The following KIAA1549L variants were observed in gnomAD, a reference collection of about 807,000 sequenced individuals.
KIAA1549L encodes KIAA1549 like.
KIAA1549L carries 88 observed loss-of-function variants against 160.7 expected under a neutral mutation model. That is an observed-to-expected ratio of 0.55 (90% CI 0.46 to 0.65). The LOEUF (loss-of-function observed/expected upper bound fraction) is 0.65, where lower values mean the gene tolerates loss of function less well. Among genes scored for constraint, KIAA1549L ranks in the 30% least tolerant of loss-of-function variants. The pLI, the probability that KIAA1549L is intolerant of heterozygous loss-of-function variation, is 0.00. For synonymous variants in KIAA1549L, 950 were observed against 976.7 expected, an observed-to-expected ratio of 0.97 and a Z score of 0.51; for missense variants, 2,258 against 2,437.5, an observed-to-expected ratio of 0.93 and a Z score of 1.55.
At position 33,435,776 on chromosome 11, in the gene KIAA1549L, A is replaced by ATGTGTGTGTGTGTGTG. The variant is rs1565135708; in HGVS notation, c.238+58888_238+58889insGTGTGTGTGTGTGTGT. Among the ~76,000 whole-genome samples, 3 of 9,898 alleles carry ATGTGTGTGTGTGTGTG rather than the reference A, an allele frequency of 3.0e-4. 1 individual carries two copies. Among genetic ancestry groups the ATGTGTGTGTGTGTGTG allele is most frequent in the Non-Finnish European group, 4.6e-4 (3 of 6,508 alleles). The allele number at this position is 9,898 out of a possible 152,430, so 6.5% of individuals were successfully genotyped here. A position where few individuals can be genotyped will look rare whatever the true frequency, so the allele number is the denominator to read the frequency against. On this transcript the variant is annotated intron_variant, in intron 1 of 20. Coordinates refer to ENST00000658780, the MANE Select transcript of KIAA1549L (RefSeq NM_012194.3). ...ACCAATAAGATATATATATATATAT[A>ATGTGTGTGTGTGTGTG]TATATATATATATATATATATATAT...
intron 1 of KIAA1549L, among the ~76,000 whole-genome samples, chr11:33,391,835 T>C (rs1443288942): frequency 3.9e-5 from 6 of 152,224 alleles, no homozygotes. Context: ...AATAGCACAA[T>C]TAATTTATTC....
chr11:33,467,189 T>C (rs1291501723), intron 1 of KIAA1549L, among the ~76,000 whole-genome samples: 2 of 151,880 alleles, frequency 1.3e-5, no homozygotes, highest in Non-Finnish European at 2.9e-5. Flanking sequence ...ACTTGACATG[T>C]AAAGATGTAT....
intron 1 of KIAA1549L, among the ~76,000 whole-genome samples, chr11:33,457,993 G>A (rs758098483): frequency 2.0e-5 from 3 of 152,178 alleles, no homozygotes; most frequent in Non-Finnish European, 4.4e-5. Context: ...CTGCTTCCAT[G>A]GCCTGTGTGG....
chr11:33,433,478 T>G (rs1259691697), intron 1 of KIAA1549L, among the ~76,000 whole-genome samples: 1 of 152,212 alleles, frequency 6.6e-6, no homozygotes, highest in African/African-American at 2.4e-5. Flanking sequence ...GGAACGCTTT[T>G]ACACTGTTGG....
At chr11:33,661,187 C>G (rs1044499332) in intron 20 of KIAA1549L, among the ~76,000 whole-genome samples, 173 bp downstream of exon 20, 7 of 152,224 alleles carry the variant, frequency 4.6e-5, no homozygotes, top group Non-Finnish European at 8.8e-5. Flanking sequence ...GAGGGGATGT[C>G]CCCTTGACAG....
intron 3 of KIAA1549L, among the ~76,000 whole-genome samples, chr11:33,546,788 A>G (rs1456674877): frequency 6.6e-6 from 1 of 152,160 alleles, no homozygotes; most frequent in East Asian, 1.9e-4. Flanking sequence ...GGTAGTACCA[A>G]CCCCTATGTC....
chr11:33,406,157 T>C (rs528850090), intron 1 of KIAA1549L, among the ~76,000 whole-genome samples: 2 of 152,330 alleles, frequency 1.3e-5, no homozygotes, highest in African/African-American at 4.8e-5. Context: ...AATTTGATTA[T>C]AGATTTTTGT....
At chr11:33,521,782 C>T (rs1853500216) in intron 1 of KIAA1549L, among the ~76,000 whole-genome samples, 1 of 152,278 alleles carries the variant, frequency 6.6e-6, no homozygotes, top group South Asian at 2.1e-4. Context: ...TTTGTGGGCA[C>T]CCCTAGTCCT....
At chr11:33,512,332 G>A (rs575201502) in intron 1 of KIAA1549L, among the ~76,000 whole-genome samples, 1 of 152,316 alleles carries the variant, frequency 6.6e-6, no homozygotes, top group East Asian at 1.9e-4. Context: ...TTAATTGGCT[G>A]ACATTTAAAA....
At chr11:33,553,306 A>ATTT (rs5790938) in intron 6 of KIAA1549L, among the ~76,000 whole-genome samples, 5 of 144,974 alleles carry the variant, frequency 3.4e-5, no homozygotes, top group East Asian at 4.0e-4. Flanking sequence ...GGTGCGCTGT[A>ATTT]TTTTTTTTTT....
In KIAA1549L at chr11:33,561,591, A is replaced by T. The variant is rs1015577000; in HGVS notation, c.4019-85A>T. The T allele has an allele frequency of 1.2e-5, 13 of 1,086,122 alleles. No homozygotes were observed. The African/African-American group carries it at 1.6e-4, about 13-fold the overall frequency. The allele number at this position is 1,086,122 out of a possible 1,614,324, so 67.3% of individuals were successfully genotyped here. ...AGAACAGCCTGGGCAACATATCAAG[A>T]TCCCATCTCAAATATAACTAAATAA... On this transcript the variant is annotated intron_variant, in intron 7 of 20. Coordinates refer to ENST00000658780, the MANE Select transcript of KIAA1549L (RefSeq NM_012194.3).
intron 17 of KIAA1549L, among the ~76,000 whole-genome samples, chr11:33,649,004 T>G (rs1401771783): frequency 6.6e-6 from 1 of 152,164 alleles, no homozygotes; most frequent in Non-Finnish European, 1.5e-5. Context: ...AATATTATTA[T>G]CCCAAAGTAC....
chr11:33,553,692 T>C (rs1362845893), intron 6 of KIAA1549L, among the ~76,000 whole-genome samples: 1 of 152,242 alleles, frequency 6.6e-6, no homozygotes, highest in African/African-American at 2.4e-5. Context: ...TTCTTTCTGA[T>C]TGGATTTGTG....
At chr11:33,394,371 G>A (rs1394234173) in intron 1 of KIAA1549L, among the ~76,000 whole-genome samples, 2 of 151,700 alleles carry the variant, frequency 1.3e-5, no homozygotes, top group African/African-American at 4.9e-5. Flanking sequence ...GGACAACAGA[G>A]CCAGATCCTA....
intron 1 of KIAA1549L, among the ~76,000 whole-genome samples, chr11:33,451,267 A>G (rs1851715139): frequency 6.6e-6 from 1 of 152,142 alleles, no homozygotes; most frequent in South Asian, 2.1e-4. Flanking sequence ...TCCTGGGTGA[A>G]TTTATTGTCC....
At chr11:33,484,771 A>G (rs1419045686) in intron 1 of KIAA1549L, among the ~76,000 whole-genome samples, 2 of 152,096 alleles carry the variant, frequency 1.3e-5, no homozygotes, top group African/African-American at 4.8e-5. Context: ...TCCTTTTTTC[A>G]GTCCCACTCC....
chr11:33,516,052 C>T (rs1237793268), intron 1 of KIAA1549L, among the ~76,000 whole-genome samples: 1 of 152,126 alleles, frequency 6.6e-6, no homozygotes, highest in African/African-American at 2.4e-5. Context: ...CTAATTGATC[C>T]CAGAACCCTT....
At chr11:33,597,757 G>A (rs1214401684) in intron 12 of KIAA1549L, among the ~76,000 whole-genome samples, 1 of 152,182 alleles carries the variant, frequency 6.6e-6, no homozygotes, top group Non-Finnish European at 1.5e-5. Context: ...CTTGCCCTGT[G>A]TGAAGGGCTG....
chr11:33,575,258 C>T (rs571473768), intron 10 of KIAA1549L, among the ~76,000 whole-genome samples: 14 of 152,338 alleles, frequency 9.2e-5, no homozygotes, highest in East Asian at 3.9e-4. Context: ...TGGAAGTGGG[C>T]GAGACCTGGC....
Sources: gnomAD v4.1 joint callset for allele counts (sites outside exome capture counted in the v4.1 genomes callset) on GRCh38, gnomAD v4.1.1 for gene constraint, MANE v1.5 for transcripts, NCBI Gene and HGNC (gene_info 2026-07-23, HGNC 2026-07-21) for gene names.